CSMD3: variants seen among roughly 807,000 people sequenced by gnomAD.
The protein encoded by CSMD3 is CUB and sushi domain-containing protein 3.
In CSMD3, 177 loss-of-function variants were observed where a neutral mutation model predicts 435.2. The observed-to-expected ratio is 0.41, with a 90% CI of 0.36 to 0.46. The LOEUF (loss-of-function observed/expected upper bound fraction) is 0.46, where lower values mean the gene tolerates loss of function less well. Ranked by LOEUF, CSMD3 falls within the 20% of genes least tolerant of loss-of-function variation. The pLI is 0.34. For missense variants in CSMD3, 4,265 were observed against 4,504.6 expected (o/e 0.95, Z 1.52); for synonymous variants, 1,656 against 1,520.5 (o/e 1.09, Z -2.07).
chr8:113,176,218 G>T (rs2131902650), intron 3 of CSMD3, among the ~76,000 whole-genome samples: 1 of 152,170 alleles, frequency 6.6e-6, no homozygotes, highest in East Asian at 1.9e-4. Flanking sequence ...TCCTGCTGTT[G>T]TTTGTGCCTG....
chr8:112,824,770 T>C (rs231292), intron 12 of CSMD3, among the ~76,000 whole-genome samples: 125,140 of 152,078 alleles, frequency 0.82, 51,663 homozygotes, highest in East Asian at 0.9. Flanking sequence ...GGGAATCTGA[T>C]GATTTTGTGT....
chr8:112,428,601 G>A (rs1337983587), intron 32 of CSMD3, among the ~76,000 whole-genome samples: 1 of 152,122 alleles, frequency 6.6e-6, no homozygotes, highest in Non-Finnish European at 1.5e-5. Flanking sequence ...GGCTAGTGGA[G>A]GAGTCCAATA....
rs187337063 is a variant in CSMD3, at chr8:112,531,332, C to T, written c.4565-14107G>A. On this transcript the variant is annotated intron_variant, in intron 27 of 70. Transcript: ENST00000297405. ...TCTGAGCTGGCTTCACTACCAGCTG[C>T]TTAAAGAGGCCTGAGGCTATCAATA... is the stretch of plus-strand genomic sequence containing the variant. 3.6e-3 allele frequency among the ~76,000 whole-genome samples: 542 copies of T among 152,140 alleles called. 1 individual carries two copies. Among genetic ancestry groups the T allele is most frequent in the African/African-American group, 0.013 (520 of 41,526 alleles).
At chr8:113,413,823 A>G (rs1306039762) in intron 1 of CSMD3, among the ~76,000 whole-genome samples, 1 of 151,968 alleles carries the variant, frequency 6.6e-6, no homozygotes, top group African/African-American at 2.4e-5. Context: ...TTTTTTATTC[A>G]CTCTTTCTTC....
At chr8:112,492,433 A>G in intron 31 of CSMD3, 56 bp downstream of exon 31, 1 of 1,363,690 alleles carries the variant, frequency 7.3e-7, no homozygotes, top group South Asian at 1.2e-5. Flanking sequence ...AATGTCTTTA[A>G]ATATTTTTTG....
chr8:112,642,877 G>C (rs56256269), intron 20 of CSMD3, among the ~76,000 whole-genome samples: 2,303 of 152,216 alleles, frequency 0.015, 56 homozygotes, highest in African/African-American at 0.053. Context: ...CACAAATACT[G>C]TCTTCTTCAA....
chr8:112,665,987 A>G (rs1380597782), intron 17 of CSMD3, among the ~76,000 whole-genome samples: 2 of 152,118 alleles, frequency 1.3e-5, no homozygotes, highest in East Asian at 1.9e-4. Context: ...CAAAGTATAG[A>G]ACAACTAAAC....
intron 33 of CSMD3, among the ~76,000 whole-genome samples, 165 bp from the exon 34 acceptor site, chr8:112,408,578 T>C (rs773584629): frequency 6.6e-6 from 1 of 152,118 alleles, no homozygotes; most frequent in Non-Finnish European, 1.5e-5. Context: ...TGGGTTCAAC[T>C]TGTATTGCAA....
At chr8:112,297,654 G>C (rs1015394041) in intron 53 of CSMD3, among the ~76,000 whole-genome samples, 3 of 152,046 alleles carry the variant, frequency 2.0e-5, no homozygotes, top group Non-Finnish European at 2.9e-5. Context: ...ACAATGTTGG[G>C]AAACAAAATA....
chr8:112,511,880 T>C (rs1204297985), intron 28 of CSMD3, among the ~76,000 whole-genome samples: 1 of 152,182 alleles, frequency 6.6e-6, no homozygotes, highest in Non-Finnish European at 1.5e-5. Context: ...TCAACAATGT[T>C]CACAGCATCT....
At chr8:113,256,623 T>C (rs1344386209) in intron 3 of CSMD3, among the ~76,000 whole-genome samples, 1 of 152,238 alleles carries the variant, frequency 6.6e-6, no homozygotes, top group African/African-American at 2.4e-5. Context: ...AAACCTCATT[T>C]AGAGCAGATT....
At chr8:113,368,468 A>C (rs1563752322) in intron 1 of CSMD3, among the ~76,000 whole-genome samples, 1 of 152,170 alleles carries the variant, frequency 6.6e-6, no homozygotes, top group East Asian at 1.9e-4. Context: ...CGTCTTCTAT[A>C]AATGAGAACT....
chr8:113,376,651 C>G, intron 1 of CSMD3: 9 of 1,472,696 alleles, frequency 6.1e-6, no homozygotes, highest in Non-Finnish European at 8.5e-6. Context: ...CAGACCTGGC[C>G]AGGCAGGAGG....
chr8:113,179,209 T>C (rs2092389646), intron 3 of CSMD3, among the ~76,000 whole-genome samples: 1 of 150,648 alleles, frequency 6.6e-6, no homozygotes, highest in Non-Finnish European at 1.5e-5. Flanking sequence ...TATTATTACA[T>C]AAAACAGTAT....
intron 19 of CSMD3, among the ~76,000 whole-genome samples, chr8:112,647,847 T>G (rs1014923109): frequency 6.6e-6 from 1 of 152,222 alleles, no homozygotes; most frequent in African/African-American, 2.4e-5. Flanking sequence ...TATTGTCAGC[T>G]GCAAGTGGTG....
At chr8:113,225,859 C>T (rs1563571520) in intron 3 of CSMD3, among the ~76,000 whole-genome samples, 2 of 151,360 alleles carry the variant, frequency 1.3e-5, no homozygotes, top group African/African-American at 2.4e-5. Flanking sequence ...AATTGTAATC[C>T]GAATTGTAAT....
intron 28 of CSMD3, among the ~76,000 whole-genome samples, chr8:112,514,267 AG>A (rs2130970869): frequency 6.6e-6 from 1 of 152,294 alleles, no homozygotes; most frequent in African/African-American, 2.4e-5. Context: ...AGAAAAGCAG[AG>A]ACATTATCTG....
At position 112,281,300 on chromosome 8, in the gene CSMD3, T is replaced by C; in HGVS notation, c.9382A>G (p.Ile3128Val). 1 of 1,613,572 alleles carries C rather than the reference T, an allele frequency of 6.2e-7. No individual in the cohort carries two copies. Among genetic ancestry groups the C allele is most frequent in the Non-Finnish European group, 8.5e-7 (1 of 1,179,648 alleles). ...GAACTAGAAAATGTTGTGCCATCAATTCGGAAGACTTTCCCATTGGCTGTG... is the reference window on the plus strand; with the variant it reads ...GAACTAGAAAATGTTGTGCCATCAACTCGGAAGACTTTCCCATTGGCTGTG... ...GTTANGKVFR[I>V]DGTTFSSSVI... The change falls in exon 59 of 71, where the codon ATT (isoleucine) becomes GTT (valine). Residue 3128 changes from isoleucine (I) to valine (V), a missense_variant. Ile to Val is a conservative substitution (Grantham distance 29). Coordinates refer to ENST00000297405, the MANE Select transcript of CSMD3 (RefSeq NM_198123.2).
At chr8:113,133,479 G>A (rs1469291482) in intron 4 of CSMD3, among the ~76,000 whole-genome samples, 1 of 152,154 alleles carries the variant, frequency 6.6e-6, no homozygotes, top group Admixed American at 6.6e-5. Context: ...GCCAGTCGGT[G>A]AGATTGTAAA....
Sources: gnomAD v4.1 joint callset for allele counts (sites outside exome capture counted in the v4.1 genomes callset) on GRCh38, gnomAD v4.1.1 for gene constraint, MANE v1.5 for transcripts, NCBI Gene and HGNC (gene_info 2026-07-23, HGNC 2026-07-21) for gene names.